Variants in SRPRB observed in about 807,000 individuals in gnomAD.
SRPRB encodes the protein signal recognition particle receptor subunit beta.
Under a neutral mutation model 31.9 loss-of-function variants are expected in SRPRB, and 20 were observed. That is an observed-to-expected ratio of 0.63 (90% confidence interval 0.44 to 0.91). The LOEUF (loss-of-function observed/expected upper bound fraction) is 0.91. SRPRB is among the 40% of genes least tolerant of loss of function. The pLI is 0.00. For synonymous variants in SRPRB, 146 were observed against 132.8 expected (o/e 1.10, Z -0.68); for missense variants, 321 against 324.9 (o/e 0.99, Z 0.09).
At chr3:133,809,375 T>G (rs1935219855) in intron 3 of SRPRB, among the ~76,000 whole-genome samples, 1 of 152,178 alleles carries the variant, frequency 6.6e-6, no homozygotes, top group African/African-American at 2.4e-5. Context: ...GAATTGTGGT[T>G]TGAGACCTTT....
rs755428973 is a variant in SRPRB at position 133,806,600 on chromosome 3, A to G, written c.155-9A>G. The stretch of plus-strand genomic sequence containing the variant: ...TAATTTTTGTTGTTTTTCTCTGTCT[A>G]TTCCACAGTCTTCTGGAAGTTAATC... On this transcript the variant is annotated splice_polypyrimidine_tract_variant and intron_variant, in intron 1 of 6. Coordinates refer to ENST00000678299, the MANE Select transcript of SRPRB (RefSeq NM_001379313.1). 30 of 1,612,382 alleles carry G rather than the reference A, an allele frequency of 1.9e-5. No homozygotes were observed. The South Asian group carries it at 2.9e-4, about 15-fold the overall frequency.
intron 1 of SRPRB, chr3:133,787,365 G>A (rs1396425001): frequency 3.3e-5 from 5 of 152,130 alleles, no homozygotes; most frequent in Non-Finnish European, 7.4e-5. Context: ...CAGAGAGAAG[G>A]GAGTGAGGAA....
Position 133,807,804 on chromosome 3 carries a change from A to G in SRPRB, c.308A>G (p.Tyr103Cys). 1 of 1,611,520 alleles carries G rather than the reference A, an allele frequency of 6.2e-7. No homozygotes were observed. The highest frequency in any genetic ancestry group is 1.1e-5 in the South Asian group (1 of 90,436). Residue 103 changes from tyrosine to cysteine, a missense_variant, in exon 3 of 7, where the codon TAC becomes TGC. By Grantham distance (194) the Tyr-to-Cys change is radical. Transcript: ENST00000678299. ...QTSITDSCAV[Y>C]RVNNNRGNSL... is the part of the protein sequence containing the mutation. ...TCCATTACTGACAGCTGTGCTGTAT[A>G]CAGAGTCAACAATAACAGGGTAAGA...
chr3:133,803,372 C>G (rs540522048), upstream of SRPRB, among the ~76,000 whole-genome samples: 107 of 152,332 alleles, frequency 7.0e-4, no homozygotes, highest in Non-Finnish European at 1.2e-3. Context: ...CTGATTCCTG[C>G]CAACCTTTCT....
At chr3:133,793,423 G>A (rs1934894449) in intron 1 of SRPRB, 1 of 151,850 alleles carries the variant, frequency 6.6e-6, no homozygotes, top group Non-Finnish European at 1.5e-5. Flanking sequence ...TGCTGCAGAG[G>A]GCCCCTGAAG....
In SRPRB at chr3:133,807,003, T is replaced by C. The variant is rs185295826; in HGVS notation, c.249+300T>C. On this transcript the variant is annotated intron_variant, in intron 2 of 6. Coordinates refer to ENST00000678299, the MANE Select transcript of SRPRB (RefSeq NM_001379313.1). ...GAATAGCAGAAGGCATAGAAGCTAG[T>C]GTCCTACAGTTTATAATTCCTTCGT... 2.1e-3 allele frequency among the ~76,000 whole-genome samples: 315 copies of C among 152,316 alleles called. 1 individual carries two copies. Among genetic ancestry groups the C allele is most frequent in the Non-Finnish European group, 2.1e-3 (142 of 68,014 alleles).
intron 1 of SRPRB, among the ~76,000 whole-genome samples, chr3:133,798,738 G>C (rs1935017783): frequency 6.6e-6 from 1 of 152,132 alleles, no homozygotes. Context: ...CATAAATTTG[G>C]ATGTTGTTGT....
intron 1 of SRPRB, chr3:133,793,022 C>A (rs955919354): frequency 6.6e-6 from 1 of 152,094 alleles, no homozygotes; most frequent in Non-Finnish European, 1.5e-5. Context: ...GATATGTCTA[C>A]AAGGTTTTCT....
intron 6 of SRPRB, among the ~76,000 whole-genome samples, chr3:133,817,607 G>A (rs1293381564): frequency 2.6e-5 from 4 of 152,112 alleles, no homozygotes; most frequent in African/African-American, 9.7e-5. Context: ...GCCAAAAGCT[G>A]GTGTAGAAGA....
At position 133,807,806 on chromosome 3, in the gene SRPRB, A is replaced by G. The variant is rs749322441; in HGVS notation, c.310A>G (p.Arg104Gly). ...TSITDSCAVYRVNNNRGNSLT... is the reference protein window; with the variant it reads ...TSITDSCAVYGVNNNRGNSLT... Reference sequence around the variant, plus strand: ...CATTACTGACAGCTGTGCTGTATACAGAGTCAACAATAACAGGGTAAGATG... The same window carrying G: ...CATTACTGACAGCTGTGCTGTATACGGAGTCAACAATAACAGGGTAAGATG... Residue 104 changes from arginine to glycine, a missense_variant, in exon 3 of 7, where the codon AGA becomes GGA. By Grantham distance (125) the Arg-to-Gly change is moderately radical. Coordinates refer to ENST00000678299, the MANE Select transcript of SRPRB (RefSeq NM_001379313.1). 16 of 1,611,104 alleles carry G rather than the reference A, an allele frequency of 9.9e-6. No individual in the cohort carries two copies. In the African/African-American group the frequency reaches 1.3e-4, roughly 13 times the overall value.
chr3:133,825,108 T>C (rs1374203011), downstream of SRPRB: 4 of 152,130 alleles, frequency 2.6e-5, no homozygotes, highest in East Asian at 7.7e-4. Flanking sequence ...CAGACATCCT[T>C]CTGTTCAGCT....
chr3:133,785,396 T>G (rs1451445083), intron 1 of SRPRB: 1 of 90,090 alleles, frequency 1.1e-5, no homozygotes, highest in Non-Finnish European at 2.3e-5. Flanking sequence ...GGGAGGGAGG[T>G]GGGGGTGTCA....
At chr3:133,810,944 G>A (rs1935251344) in intron 3 of SRPRB, 173 bp from the exon 4 acceptor site, 1 of 526,446 alleles carries the variant, frequency 1.9e-6, no homozygotes, top group Non-Finnish European at 3.2e-6. Flanking sequence ...CCGTGTCTTT[G>A]GCCACTGTTA....
At position 133,814,119 on chromosome 3, in the gene SRPRB, C is replaced by T. The variant is rs574358982; in HGVS notation, c.411-1471C>T. On this transcript the variant is annotated intron_variant, in intron 4 of 6. Transcript: ENST00000678299. The stretch of plus-strand genomic sequence containing the variant: ...TCCACCTGGGCATTCAAACCCTTGT[C>T]CATAAGGCTTGTATTTTTTTTTTTT... Among the ~76,000 whole-genome samples, 1,013 of 152,156 alleles carry T rather than the reference C, an allele frequency of 6.7e-3. 8 individuals are homozygous for T. The highest frequency in any genetic ancestry group is 0.01 in the Non-Finnish European group (713 of 67,992).
upstream of SRPRB, among the ~76,000 whole-genome samples, chr3:133,804,359 A>T (rs546783074): frequency 2.8e-4 from 43 of 152,258 alleles, no homozygotes; most frequent in South Asian, 8.9e-3. Flanking sequence ...TCTAAAAGAA[A>T]ATAATATTTA....
chr3:133,814,325 G>T (rs543259801), intron 4 of SRPRB, among the ~76,000 whole-genome samples: 8 of 152,258 alleles, frequency 5.3e-5, no homozygotes, highest in Non-Finnish European at 1.0e-4. Context: ...GAGAGACAGG[G>T]TTTCGCCGTG....
intron 3 of SRPRB, among the ~76,000 whole-genome samples, chr3:133,809,061 T>C (rs1212862633): frequency 6.6e-6 from 1 of 151,694 alleles, no homozygotes; most frequent in Non-Finnish European, 1.5e-5. Context: ...GGCATGATCT[T>C]GGCTCACTGC....
intron 4 of SRPRB, among the ~76,000 whole-genome samples, chr3:133,812,755 C>T (rs1935298987): frequency 6.6e-6 from 1 of 152,110 alleles, no homozygotes; most frequent in Non-Finnish European, 1.5e-5. Context: ...TTTCCTGAAC[C>T]TTAAACACTT....
chr3:133,816,823 T>C, intron 5 of SRPRB, 55 bp from the exon 6 acceptor site: 1 of 1,437,214 alleles, frequency 7.0e-7, no homozygotes, highest in Non-Finnish European at 9.5e-7. Flanking sequence ...TAAGAAGTCT[T>C]GGGGAAAAAA....
Sources: allele counts gnomAD v4.1 joint callset (sites outside exome capture counted in the v4.1 genomes callset), GRCh38; gene constraint gnomAD v4.1.1; transcripts MANE v1.5; gene names NCBI Gene and HGNC (gene_info 2026-07-23, HGNC 2026-07-21).